The following PKHD1 variants were observed in gnomAD, a reference collection of about 807,000 sequenced individuals.
PKHD1 encodes PKHD1 ciliary IPT domain containing fibrocystin/polyductin.
PKHD1 carries 291 observed loss-of-function variants against 412.0 expected under a neutral mutation model. That is an observed-to-expected ratio of 0.71 (90% confidence interval 0.64 to 0.78). The LOEUF (loss-of-function observed/expected upper bound fraction) is 0.78. PKHD1 is among the 30% of genes least tolerant of loss of function. PKHD1 has a pLI of 0.00. For synonymous variants in PKHD1, 1,777 were observed against 1,821.5 expected (o/e 0.98, Z 0.62); for missense variants, 4,825 against 4,950.7 (o/e 0.97, Z 0.76).
intron 65 of PKHD1, among the ~76,000 whole-genome samples, chr6:51,628,074 T>A (rs1044402141): frequency 1.3e-5 from 2 of 152,162 alleles, no homozygotes; most frequent in East Asian, 1.9e-4. Flanking sequence ...CTTTTCTTTT[T>A]CTTTTTCAAC....
chr6:51,668,032 C>CT (rs1248664165), intron 60 of PKHD1, among the ~76,000 whole-genome samples: 1 of 152,036 alleles, frequency 6.6e-6, no homozygotes, highest in Admixed American at 6.6e-5. Flanking sequence ...GATGCAGGCT[C>CT]TTTTTTGGTT....
chr6:51,845,189 G>A (rs1312994964), intron 50 of PKHD1, among the ~76,000 whole-genome samples: 4 of 152,194 alleles, frequency 2.6e-5, no homozygotes, highest in South Asian at 4.1e-4. Context: ...TATGGAAAAC[G>A]TGGAAGCCTA....
At chr6:52,013,985 G>A (rs538708306) in intron 34 of PKHD1, among the ~76,000 whole-genome samples, 2 of 152,334 alleles carry the variant, frequency 1.3e-5, no homozygotes, top group South Asian at 4.1e-4. Context: ...TAAGCACACT[G>A]CATCAGAAGC....
chr6:51,938,471 G>C (rs983398747), intron 36 of PKHD1, among the ~76,000 whole-genome samples: 1 of 149,662 alleles, frequency 6.7e-6, no homozygotes, highest in Non-Finnish European at 1.5e-5. Context: ...GGCTCAAAAA[G>C]CTCCCCCACT....
chr6:52,080,526 T>A lies in PKHD1; in HGVS notation c.282-518A>T, dbSNP rs535380806. Reference sequence around the variant, plus strand: ...CAGTGGCTTCATTGCCACCTGATGCTGACATCCATGTTGATTTTTGTAAGA... The same window carrying A: ...CAGTGGCTTCATTGCCACCTGATGCAGACATCCATGTTGATTTTTGTAAGA... On this transcript the variant is annotated intron_variant, in intron 4 of 66. Coordinates refer to ENST00000371117, the MANE Select transcript of PKHD1 (RefSeq NM_138694.4). Among the ~76,000 whole-genome samples the A allele has an allele frequency of 2.0e-5, 3 of 152,356 alleles. No homozygotes were observed. In the East Asian group the frequency reaches 5.8e-4, roughly 29 times the overall value.
intron 53 of PKHD1, among the ~76,000 whole-genome samples, chr6:51,786,423 C>A (rs1792865131): frequency 6.6e-6 from 1 of 152,172 alleles, no homozygotes; most frequent in South Asian, 2.1e-4. Flanking sequence ...ACACTTCCAG[C>A]ACTAATTTTT....
chr6:52,072,016 T>C lies in PKHD1; in HGVS notation c.602+99A>G, dbSNP rs1346586805. 6.3e-6 allele frequency: 5 copies of C among 787,456 alleles called. No homozygotes were observed. In the Admixed American group the frequency reaches 6.9e-5, roughly 11 times the overall value. 48.8% of individuals were successfully genotyped at this position (787,456 alleles called of 1,614,324 possible). ...GATTTATATTTTAAAAAAACAGATA[T>C]ATGGTGAGTGGGGAGAGAAAGAGAG... On this transcript the variant is annotated intron_variant, in intron 8 of 66. Transcript: ENST00000371117.
intron 35 of PKHD1, among the ~76,000 whole-genome samples, chr6:51,980,134 T>C (rs561675859): frequency 2.0e-5 from 3 of 152,314 alleles, no homozygotes; most frequent in African/African-American, 7.2e-5. Context: ...ATTAGACCCA[T>C]TTATTACCCG....
intron 33 of PKHD1, among the ~76,000 whole-genome samples, chr6:52,022,219 G>C (rs912661520): frequency 6.6e-6 from 1 of 152,160 alleles, no homozygotes; most frequent in Admixed American, 6.5e-5. Flanking sequence ...TCACTACGCA[G>C]CTTAAAGTAG....
At chr6:51,981,575 T>A (rs1446781480) in intron 35 of PKHD1, among the ~76,000 whole-genome samples, 1 of 146,872 alleles carries the variant, frequency 6.8e-6, no homozygotes, top group African/African-American at 2.4e-5. Context: ...AGCCTCGGCC[T>A]CCCGGGGTGC....
At position 51,989,948 on chromosome 6, in the gene PKHD1, AAAGGAAGGAAAG is replaced by A. The variant is rs1395865404; in HGVS notation, c.5751+20349_5751+20360del. 4.7e-3 allele frequency among the ~76,000 whole-genome samples: 219 copies of A among 46,356 alleles called. 1 individual carries two copies. The highest frequency in any genetic ancestry group is 0.019 in the African/African-American group (209 of 11,190). The allele number at this position is 46,356 out of a possible 152,430, so 30.4% of individuals were successfully genotyped here. ...GGAAGGAAGGAAAGAAGGAAGGAAG[AAAGGAAGGAAAG>A]AAGGAAGGAAGGAAGGAAGGAAGGG... On this transcript the variant is annotated intron_variant, in intron 35 of 66. Transcript: ENST00000371117.
At chr6:51,755,819 C>T (rs368951737) in intron 55 of PKHD1, among the ~76,000 whole-genome samples, 6 of 152,038 alleles carry the variant, frequency 3.9e-5, no homozygotes, top group African/African-American at 9.7e-5. Flanking sequence ...CTTTATTGAC[C>T]GAGCAAATCT....
At chr6:51,817,504 C>T (rs1765662663) in intron 52 of PKHD1, among the ~76,000 whole-genome samples, 1 of 152,126 alleles carries the variant, frequency 6.6e-6, no homozygotes, top group Admixed American at 6.5e-5. Context: ...ACTGGTGTGT[C>T]AGTTTCAGAG....
At chr6:51,807,882 A>C (rs894126284) in intron 52 of PKHD1, among the ~76,000 whole-genome samples, 2 of 152,036 alleles carry the variant, frequency 1.3e-5, no homozygotes, top group Admixed American at 1.3e-4. Context: ...GTAGAGATGG[A>C]AAGTAGATTA....
chr6:52,027,802 G>A (rs1802442827), intron 31 of PKHD1, 27 bp downstream of exon 31: 1 of 1,528,362 alleles, frequency 6.5e-7, no homozygotes, highest in Non-Finnish European at 9.1e-7. Flanking sequence ...CTGGATAATT[G>A]ATAACAGTCA....
At position 51,943,066 on chromosome 6, in the gene PKHD1, T is replaced by C. The variant is rs535574013; in HGVS notation, c.5909-8744A>G. Among the ~76,000 whole-genome samples, 65 of 151,750 alleles carry C rather than the reference T, an allele frequency of 4.3e-4. 1 individual carries two copies. The highest frequency in any genetic ancestry group is 6.8e-4 in the Non-Finnish European group (46 of 67,790). On this transcript the variant is annotated intron_variant, in intron 36 of 66. Transcript: ENST00000371117. ...GCCACCACGGTCATTTCTTCCCTTCTGTCAGACATAATTCCTCAGTTTGGG... is the reference window on the plus strand; with the variant it reads ...GCCACCACGGTCATTTCTTCCCTTCCGTCAGACATAATTCCTCAGTTTGGG...
chr6:52,062,218 T>C (rs1808788188), intron 14 of PKHD1, among the ~76,000 whole-genome samples: 1 of 152,222 alleles, frequency 6.6e-6, no homozygotes, highest in African/African-American at 2.4e-5. Flanking sequence ...CTAAAGCATG[T>C]TTTACTCTGC....
chr6:51,668,153 C>T (rs1045647568), intron 60 of PKHD1, among the ~76,000 whole-genome samples: 162 of 152,184 alleles, frequency 1.1e-3, no homozygotes, highest in African/African-American at 3.4e-3. Flanking sequence ...GCCATTTTCA[C>T]GATATTGATT....
chr6:51,644,152 G>A (rs1459669985), intron 63 of PKHD1, among the ~76,000 whole-genome samples: 2 of 151,920 alleles, frequency 1.3e-5, no homozygotes, highest in African/African-American at 4.8e-5. Flanking sequence ...GAATCGATGA[G>A]GTGCAGCTTT....
Sources: allele counts gnomAD v4.1 joint callset (sites outside exome capture counted in the v4.1 genomes callset), GRCh38; gene constraint gnomAD v4.1.1; transcripts MANE v1.5; gene names NCBI Gene and HGNC (gene_info 2026-07-23, HGNC 2026-07-21).